Variants in SLIT3 observed in about 807,000 individuals in gnomAD.
The protein encoded by SLIT3 is slit homolog 3 protein.
SLIT3 carries 68 observed loss-of-function variants against 184.0 expected under a neutral mutation model. The observed-to-expected ratio is 0.37, with a 90% CI of 0.30 to 0.45. The LOEUF (loss-of-function observed/expected upper bound fraction) is 0.45. SLIT3 is among the 20% of genes least tolerant of loss of function. The pLI, the probability that SLIT3 is intolerant of heterozygous loss-of-function variation, is 1.00. For missense variants in SLIT3, 1,707 were observed against 2,026.0 expected (o/e 0.84, Z 3.02); for synonymous variants, 831 against 828.6 (o/e 1.00, Z -0.05).
At chr5:169,020,749 A>G (rs1262762803) in intron 4 of SLIT3, among the ~76,000 whole-genome samples, 1 of 152,230 alleles carries the variant, frequency 6.6e-6, no homozygotes, top group Non-Finnish European at 1.5e-5. Context: ...ATTGCTACCT[A>G]TGTAAAGGGG....
intron 14 of SLIT3, among the ~76,000 whole-genome samples, chr5:168,764,070 G>C (rs1461001260): frequency 1.3e-5 from 2 of 152,318 alleles, no homozygotes; most frequent in East Asian, 3.9e-4. Context: ...ATGTAAAATG[G>C]GAATCAAATA....
intron 2 of SLIT3, among the ~76,000 whole-genome samples, chr5:169,249,635 A>AT (rs532461909): frequency 2.6e-5 from 4 of 152,236 alleles, no homozygotes; most frequent in South Asian, 4.1e-4. Flanking sequence ...ACAAGCATCT[A>AT]TTTTTTAACC....
chr5:168,684,004 G>A lies in SLIT3; in HGVS notation c.3648C>T (p.Val1216=). ...LELYQGHVRL[V]YDSLSSPPTT... is the part of the protein sequence containing the mutation. ...TTGGAGGGGAACTCAGGCTGTCATA[G>A]ACCAGCCGCACGTGGCCCTGGTACA... The change falls in exon 32 of 36, where the codon GTC becomes GTT. Residue 1216 remains valine, a synonymous_variant. Transcript: ENST00000519560. 6.2e-7 allele frequency: 1 copy of A among 1,604,924 alleles called. No individual in the cohort carries two copies.
At chr5:169,059,469 C>T (rs1345021642) in intron 4 of SLIT3, among the ~76,000 whole-genome samples, 1 of 152,152 alleles carries the variant, frequency 6.6e-6, no homozygotes, top group African/African-American at 2.4e-5. Context: ...AGTCGTTTAC[C>T]TGAGTTGCAC....
At chr5:168,910,529 G>A (rs1383796192) in intron 4 of SLIT3, among the ~76,000 whole-genome samples, 1 of 152,010 alleles carries the variant, frequency 6.6e-6, no homozygotes, top group African/African-American at 2.4e-5. Flanking sequence ...GGATCACAAG[G>A]TCAGGAGATG....
Position 169,246,660 on chromosome 5 carries a change from C to A in SLIT3, c.270-1884G>T, listed in dbSNP as rs996276790. On this transcript the variant is annotated intron_variant, in intron 2 of 35. Coordinates refer to ENST00000519560, the MANE Select transcript of SLIT3 (RefSeq NM_003062.4). ...TGTTGGCCGGGTGCAGTAGCTTACTCCTGTAATACCAGCATTTTGGGAGGC... is the reference window on the plus strand; with the variant it reads ...TGTTGGCCGGGTGCAGTAGCTTACTACTGTAATACCAGCATTTTGGGAGGC... Among the ~76,000 whole-genome samples, 3 of 152,088 alleles carry A rather than the reference C, an allele frequency of 2.0e-5. No individual in the cohort carries two copies. In the East Asian group the frequency reaches 5.8e-4, roughly 29 times the overall value.
chr5:168,737,883 G>A (rs1412270212), intron 20 of SLIT3, among the ~76,000 whole-genome samples: 1 of 152,200 alleles, frequency 6.6e-6, no homozygotes, highest in Non-Finnish European at 1.5e-5. Flanking sequence ...AAGGACAGTT[G>A]CATGGCAATA....
chr5:168,749,575 C>T lies in SLIT3; in HGVS notation c.2034G>A (p.Leu678=). The T allele has an allele frequency of 6.2e-7, 1 of 1,614,210 alleles. No individual in the cohort carries two copies. The highest frequency in any genetic ancestry group is 1.1e-5 in the South Asian group (1 of 91,084). Residue 678 remains leucine (L), a synonymous_variant, in exon 19 of 36, where the codon TTG becomes TTA. Coordinates refer to ENST00000519560, the MANE Select transcript of SLIT3 (RefSeq NM_003062.4). ...TCCCACTGACGATCCGCCTCTTCCT[C>T]AACCACTTGCCGAGCCAGGCCAGGT... is the stretch of plus-strand genomic sequence containing the variant. ...NCHLAWLGKW[L]RKRRIVSGNP... is the part of the protein sequence containing the mutation.
chr5:168,819,856 C>T (rs1757465498), intron 7 of SLIT3, among the ~76,000 whole-genome samples: 1 of 152,084 alleles, frequency 6.6e-6, no homozygotes, highest in South Asian at 2.1e-4. Context: ...AAATTTTTCT[C>T]CTCCCAAGAG....
At chr5:168,751,021 T>A (rs1410755006) in intron 18 of SLIT3, among the ~76,000 whole-genome samples, 1 of 143,570 alleles carries the variant, frequency 7.0e-6, no homozygotes, top group African/African-American at 2.6e-5. Context: ...AGGTGACCCT[T>A]GAGCAAAGGT....
At chr5:168,875,936 G>A (rs2113775893) in intron 5 of SLIT3, among the ~76,000 whole-genome samples, 1 of 152,228 alleles carries the variant, frequency 6.6e-6, no homozygotes, top group African/African-American at 2.4e-5. Flanking sequence ...TCTCAGTCAG[G>A]AATGCAAAGC....
In SLIT3 at chr5:168,666,589, A is replaced by C; in HGVS notation, c.4437T>G (p.Arg1479=). The change falls in exon 36 of 36, where the codon CGT becomes CGG. Residue 1479 remains arginine (R), a synonymous_variant. Coordinates refer to ENST00000519560, the MANE Select transcript of SLIT3 (RefSeq NM_003062.4). ...TASKVPIMEC[R]GGCGPQCCQP... is the part of the protein sequence containing the mutation. Reference sequence around the variant, plus strand: ...GGCAGCACTGGGGCCCACAGCCCCCACGACATTCCATGATGGGCACCTTGG... The same window carrying C: ...GGCAGCACTGGGGCCCACAGCCCCCCCGACATTCCATGATGGGCACCTTGG... The C allele has an allele frequency of 6.2e-7, 1 of 1,614,200 alleles. No individual in the cohort carries two copies. Among genetic ancestry groups the C allele is most frequent in the Non-Finnish European group, 8.5e-7 (1 of 1,180,034 alleles).
Position 168,876,851 on chromosome 5 carries a change from A to C in SLIT3, c.485+6414T>G, listed in dbSNP as rs138219674. ...AGAATGGCACCTTATTCTTTCCTATAGTATATTATTCTTACACAATAATAA... is the reference window on the plus strand; with the variant it reads ...AGAATGGCACCTTATTCTTTCCTATCGTATATTATTCTTACACAATAATAA... On this transcript the variant is annotated intron_variant, in intron 5 of 35. Coordinates refer to ENST00000519560, the MANE Select transcript of SLIT3 (RefSeq NM_003062.4). 3.5e-3 allele frequency among the ~76,000 whole-genome samples: 531 copies of C among 152,336 alleles called. 14 individuals are homozygous for C. Among genetic ancestry groups the C allele is most frequent in the East Asian group, 7.7e-4 (4 of 5,184 alleles).
At chr5:168,730,496 C>T (rs1288749913) in intron 20 of SLIT3, among the ~76,000 whole-genome samples, 1 of 151,952 alleles carries the variant, frequency 6.6e-6, no homozygotes, top group Non-Finnish European at 1.5e-5. Flanking sequence ...AGTCTTAACA[C>T]ATTAAAAAAC....
At chr5:169,030,201 T>G (rs749939701) in intron 4 of SLIT3, among the ~76,000 whole-genome samples, 17 of 152,236 alleles carry the variant, frequency 1.1e-4, no homozygotes, top group Admixed American at 7.2e-4. Context: ...CTGACGACTT[T>G]CTGACTGCCC....
intron 4 of SLIT3, among the ~76,000 whole-genome samples, chr5:169,060,390 TCAAACAAACAAA>T (rs35858529): frequency 6.6e-6 from 1 of 151,054 alleles, no homozygotes; most frequent in African/African-American, 2.4e-5. Context: ...AGACTCCATC[TCAAACAAACAAA>T]CAAACAAACA....
At chr5:168,762,232 G>A (rs956798368) in intron 15 of SLIT3, among the ~76,000 whole-genome samples, 8 of 152,252 alleles carry the variant, frequency 5.3e-5, no homozygotes, top group East Asian at 3.9e-4. Flanking sequence ...TGTAAGCTCC[G>A]TAAGGGTTGG....
At chr5:169,245,580 A>C (rs1765562175) in intron 2 of SLIT3, among the ~76,000 whole-genome samples, 1 of 152,196 alleles carries the variant, frequency 6.6e-6, no homozygotes, top group Non-Finnish European at 1.5e-5. Context: ...CACAGATTGC[A>C]CATGGTGGCT....
At chr5:168,715,460 G>C (rs1484577001) in intron 23 of SLIT3, among the ~76,000 whole-genome samples, 1 of 152,138 alleles carries the variant, frequency 6.6e-6, no homozygotes, top group Non-Finnish European at 1.5e-5. Context: ...GTGTGAGGTT[G>C]AGCATGCAAC....
Sources: allele counts gnomAD v4.1 joint callset (sites outside exome capture counted in the v4.1 genomes callset), GRCh38; gene constraint gnomAD v4.1.1; transcripts MANE v1.5; gene names NCBI Gene and HGNC (gene_info 2026-07-23, HGNC 2026-07-21).